Variants in CCDC13 observed in about 807,000 individuals in gnomAD.
CCDC13 encodes the protein coiled-coil domain-containing protein 13.
A neutral mutation model predicts 87.3 loss-of-function variants in CCDC13; 70 were observed. The ratio of observed to expected loss-of-function variants is 0.80; its 90% CI spans 0.66 to 0.98. The LOEUF (loss-of-function observed/expected upper bound fraction) is 0.98, where lower values mean the gene tolerates loss of function less well. CCDC13 is among the 50% of genes least tolerant of loss of function. The pLI, the probability that CCDC13 is intolerant of heterozygous loss-of-function variation, is 0.00. For missense variants in CCDC13, 842 were observed against 892.0 expected (o/e 0.94, Z 0.71); for synonymous variants, 317 against 360.3 (o/e 0.88, Z 1.36).
chr3:42,713,375 C>A, intron 13 of CCDC13, 59 bp from the exon 14 acceptor site: 3 of 1,583,720 alleles, frequency 1.9e-6, no homozygotes, highest in Non-Finnish European at 1.7e-6. Context: ...AGGCCCTACC[C>A]CACTTGCTCA....
intron 1 of CCDC13, among the ~76,000 whole-genome samples, chr3:42,761,373 A>G (rs904304175): frequency 7.9e-5 from 12 of 152,046 alleles, no homozygotes; most frequent in Non-Finnish European, 1.8e-4. Flanking sequence ...GTCTCCTCAT[A>G]TCCTATTGTA....
chr3:42,720,633 G>A (rs2125874400), intron 13 of CCDC13, among the ~76,000 whole-genome samples: 1 of 152,368 alleles, frequency 6.6e-6, no homozygotes, highest in Middle Eastern at 3.4e-3. Flanking sequence ...TCATGGGAAT[G>A]TGGATTTTTC....
intron 13 of CCDC13, among the ~76,000 whole-genome samples, chr3:42,715,511 C>T (rs1163917183): frequency 6.6e-6 from 1 of 151,906 alleles, no homozygotes; most frequent in African/African-American, 2.4e-5. Context: ...ACTTGGAAGG[C>T]TGAGGTAGGA....
At chr3:42,731,315 G>A (rs1418318972) in intron 12 of CCDC13, among the ~76,000 whole-genome samples, 1 of 151,926 alleles carries the variant, frequency 6.6e-6, no homozygotes, top group Non-Finnish European at 1.5e-5. Flanking sequence ...TGGGGCATGT[G>A]ATCCTGAGGG....
intron 13 of CCDC13, chr3:42,718,193 T>G (rs1306062449): frequency 6.6e-6 from 1 of 152,176 alleles, no homozygotes; most frequent in East Asian, 1.9e-4. Context: ...ATAAAGACCC[T>G]GCTGATAGAA....
intron 13 of CCDC13, among the ~76,000 whole-genome samples, chr3:42,729,053 C>G (rs575632607): frequency 6.6e-6 from 1 of 152,268 alleles, no homozygotes; most frequent in African/African-American, 2.4e-5. Flanking sequence ...GTGAGTGACC[C>G]CAGCTGACAT....
chr3:42,709,921 G>A (rs1698267339), intron 14 of CCDC13, 123 bp from the exon 15 acceptor site: 4 of 724,916 alleles, frequency 5.5e-6, no homozygotes, highest in Non-Finnish European at 9.6e-6. Context: ...ACCGCCTTCG[G>A]GGTGCAGGGC....
Position 42,707,376 on chromosome 3 carries a change from T to G in CCDC13, c.*1604A>C, listed in dbSNP as rs1698202155. On this transcript the variant is annotated 3_prime_UTR_variant, in exon 16 of 16. Transcript: ENST00000310232. ...TTAGGACCCCACCAGAATCATCAGT[T>G]CATCCCGGTGGCCTTTGCTCTAACT... Among the ~76,000 whole-genome samples the G allele has an allele frequency of 6.6e-6, 1 of 152,144 alleles. No individual in the cohort carries two copies. Among genetic ancestry groups the G allele is most frequent in the Non-Finnish European group, 1.5e-5 (1 of 68,010 alleles).
In CCDC13 at chr3:42,766,974, C is replaced by T. The variant is rs149091904; in HGVS notation, c.-7+6202G>A. On this transcript the variant is annotated intron_variant, in intron 1 of 15. Coordinates refer to ENST00000310232, the MANE Select transcript of CCDC13 (RefSeq NM_144719.4). The stretch of plus-strand genomic sequence containing the variant: ...CCATACTTAGCAGTGAGAAACTACA[C>T]GCTTTACCCCTAAGACTGGGAACAT... 8.5e-3 allele frequency among the ~76,000 whole-genome samples: 1,289 copies of T among 152,260 alleles called. 20 individuals are homozygous for T. The highest frequency in any genetic ancestry group is 0.029 in the African/African-American group (1,198 of 41,552).
intron 5 of CCDC13, 79 bp from the exon 6 acceptor site, chr3:42,747,452 G>A: frequency 1.0e-6 from 1 of 980,782 alleles, no homozygotes; most frequent in Non-Finnish European, 1.6e-6. Flanking sequence ...ATTTATCCAA[G>A]TCTGTGCCAG....
In CCDC13 at chr3:42,707,713, C is replaced by T. The variant is rs1006244314; in HGVS notation, c.*1267G>A. On this transcript the variant is annotated 3_prime_UTR_variant, in exon 16 of 16. Transcript: ENST00000310232. ...GTGTCCACATCCACATGTGTGTGCTCATCTGCACCTGTGTGTCCATGAGTG... is the reference window on the plus strand; with the variant it reads ...GTGTCCACATCCACATGTGTGTGCTTATCTGCACCTGTGTGTCCATGAGTG... Among the ~76,000 whole-genome samples the T allele has an allele frequency of 3.9e-5, 6 of 152,222 alleles. No homozygotes were observed. The highest frequency in any genetic ancestry group is 1.2e-4 in the African/African-American group (5 of 41,450).
At chr3:42,712,025 C>T (rs1698323580) in intron 14 of CCDC13, among the ~76,000 whole-genome samples, 1 of 152,206 alleles carries the variant, frequency 6.6e-6, no homozygotes, top group East Asian at 1.9e-4. Flanking sequence ...CCCAGAGACC[C>T]TTCCTTCCCG....
intron 1 of CCDC13, among the ~76,000 whole-genome samples, chr3:42,771,950 A>G (rs1700126427): frequency 6.6e-6 from 1 of 152,242 alleles, no homozygotes; most frequent in East Asian, 1.9e-4. Context: ...TGCTTCTAAA[A>G]ATCTGCTTTA....
At chr3:42,732,648 T>G (rs1211074216) in intron 12 of CCDC13, 2 of 534,118 alleles carry the variant, frequency 3.7e-6, no homozygotes, top group Admixed American at 3.5e-5. Context: ...AGGTTAATTC[T>G]CACGTAGCAG....
intron 3 of CCDC13, among the ~76,000 whole-genome samples, chr3:42,754,833 T>C (rs1699671152): frequency 6.6e-6 from 1 of 151,484 alleles, no homozygotes; most frequent in Non-Finnish European, 1.5e-5. Flanking sequence ...CCTCTGGGTA[T>C]TTTTTTTTCC....
At chr3:42,723,999 A>G (rs1430988372) in intron 13 of CCDC13, among the ~76,000 whole-genome samples, 1 of 152,260 alleles carries the variant, frequency 6.6e-6, no homozygotes, top group Non-Finnish European at 1.5e-5. Context: ...TAAGGTTAAT[A>G]TAATTCAGCC....
chr3:42,759,458 C>G (rs1448047989), intron 1 of CCDC13, among the ~76,000 whole-genome samples: 1 of 152,212 alleles, frequency 6.6e-6, no homozygotes, highest in Non-Finnish European at 1.5e-5. Context: ...CAGCCAATCC[C>G]AATCCCAATC....
intron 13 of CCDC13, among the ~76,000 whole-genome samples, chr3:42,726,786 C>T (rs1698699324): frequency 6.6e-6 from 1 of 151,484 alleles, no homozygotes; most frequent in Admixed American, 6.6e-5. Flanking sequence ...CATATATGGG[C>T]ATATTACATA....
At chr3:42,755,700 AC>A (rs1260280931) in intron 3 of CCDC13, among the ~76,000 whole-genome samples, 3 of 152,228 alleles carry the variant, frequency 2.0e-5, no homozygotes, top group African/African-American at 7.2e-5. Flanking sequence ...CAGAGTGAAG[AC>A]TGGATTTAAG....
Sources: gnomAD v4.1 joint callset for allele counts (sites outside exome capture counted in the v4.1 genomes callset) on GRCh38, gnomAD v4.1.1 for gene constraint, MANE v1.5 for transcripts, NCBI Gene and HGNC (gene_info 2026-07-23, HGNC 2026-07-21) for gene names.